The following NEDD9 variants were observed in gnomAD, a reference collection of about 807,000 sequenced individuals.
NEDD9 encodes neural precursor cell expressed, developmentally down-regulated 9, also known as enhancer of filamentation 1.
In NEDD9, 26 loss-of-function variants were observed where a neutral mutation model predicts 76.6. The observed-to-expected ratio is 0.34, with a 90% CI of 0.25 to 0.47. NEDD9 has a LOEUF of 0.47. NEDD9 is among the 20% of genes least tolerant of loss of function. The pLI is 1.00. For synonymous variants in NEDD9, 392 were observed against 414.2 expected, an observed-to-expected ratio of 0.95 and a Z score of 0.65; for missense variants, 937 against 1,058.5, an observed-to-expected ratio of 0.89 and a Z score of 1.59.
At chr6:11,249,504 T>C (rs1386590162) in intron 3 of NEDD9, among the ~76,000 whole-genome samples, 1 of 152,056 alleles carries the variant, frequency 6.6e-6, no homozygotes, top group African/African-American at 2.4e-5. Flanking sequence ...GCCTCCTCCC[T>C]GAAAGGTGCT....
chr6:11,265,494 T>A (rs1018308885), intron 3 of NEDD9, among the ~76,000 whole-genome samples: 1 of 152,244 alleles, frequency 6.6e-6, no homozygotes, highest in African/African-American at 2.4e-5. Flanking sequence ...ATGGAAGCAC[T>A]TTTCTCTATC....
At chr6:11,246,800 A>G (rs1759821081) in intron 3 of NEDD9, among the ~76,000 whole-genome samples, 1 of 152,208 alleles carries the variant, frequency 6.6e-6, no homozygotes. Flanking sequence ...TACAAAGGAA[A>G]GGCTGCAAAG....
At chr6:11,194,369 AT>A (rs1758239623) in intron 2 of NEDD9, among the ~76,000 whole-genome samples, 1 of 152,226 alleles carries the variant, frequency 6.6e-6, no homozygotes, top group Non-Finnish European at 1.5e-5. Context: ...GCATACTGAA[AT>A]TTGCTTTAAG....
intron 2 of NEDD9, among the ~76,000 whole-genome samples, chr6:11,319,524 ACT>A (rs913812338): frequency 5.0e-4 from 75 of 149,320 alleles, no homozygotes; most frequent in Middle Eastern, 3.4e-3. Flanking sequence ...TAACATGCAC[ACT>A]CACACTAACA....
intron 3 of NEDD9, among the ~76,000 whole-genome samples, chr6:11,303,329 A>T (rs1021678740): frequency 6.6e-6 from 1 of 152,222 alleles, no homozygotes; most frequent in African/African-American, 2.4e-5. Context: ...GGAACTCTTC[A>T]AGGAGAACTA....
intron 3 of NEDD9, among the ~76,000 whole-genome samples, chr6:11,275,118 A>G (rs966203354): frequency 1.3e-5 from 2 of 152,240 alleles, no homozygotes; most frequent in East Asian, 3.8e-4. Context: ...CCTGGAGGAC[A>G]TTTTGCTCAG....
In NEDD9 at chr6:11,374,545, G is replaced by C. The variant is rs140445991; in HGVS notation, c.-214+7594C>G. Among the ~76,000 whole-genome samples the C allele has an allele frequency of 4.6e-5, 7 of 152,264 alleles. No homozygotes were observed. In the East Asian group the frequency reaches 1.3e-3, roughly 29 times the overall value. ...TGTGGGTGGGGAATTTCAGAGTCAT[G>C]GAAACTAGTCAAAGGTTACTAAAGG... is the stretch of plus-strand genomic sequence containing the variant. On this transcript the variant is annotated intron_variant, in intron 1 of 3. Transcript: ENST00000397378.
intron 3 of NEDD9, among the ~76,000 whole-genome samples, chr6:11,240,358 A>G (rs957834934): frequency 2.0e-5 from 3 of 152,024 alleles, no homozygotes; most frequent in Non-Finnish European, 4.4e-5. Context: ...CCTTACAACC[A>G]CCACTCCTAC....
intron 3 of NEDD9, among the ~76,000 whole-genome samples, chr6:11,264,663 T>C (rs1054283210): frequency 3.9e-5 from 6 of 152,070 alleles, no homozygotes; most frequent in Non-Finnish European, 7.4e-5. Flanking sequence ...ACCAAACAAT[T>C]TGGGGAGTAA....
chr6:11,196,208 G>A (rs988397181), intron 2 of NEDD9, among the ~76,000 whole-genome samples: 1 of 152,154 alleles, frequency 6.6e-6, no homozygotes, highest in Admixed American at 6.5e-5. Context: ...GGAGGCTGAG[G>A]CAGGAGAATG....
intron 1 of NEDD9, 90 bp downstream of exon 1, chr6:11,232,414 G>A (rs1211499478): frequency 4.7e-6 from 7 of 1,497,682 alleles, no homozygotes; most frequent in Non-Finnish European, 6.5e-6. Context: ...ACACACAAGG[G>A]ACTGACAGTA....
chr6:11,306,767 TC>T (rs1267393638), intron 2 of NEDD9, among the ~76,000 whole-genome samples: 13 of 152,216 alleles, frequency 8.5e-5, no homozygotes, highest in Non-Finnish European at 1.6e-4. Flanking sequence ...TTTTCTTGTT[TC>T]CAGAAAAGGA....
intron 3 of NEDD9, chr6:11,258,591 G>T (rs1375863445): frequency 1.3e-5 from 2 of 152,022 alleles, no homozygotes; most frequent in Non-Finnish European, 2.9e-5. Context: ...TGAACTACAG[G>T]TTGCAGGTTC....
chr6:11,329,388 T>C (rs1442347591), intron 2 of NEDD9, among the ~76,000 whole-genome samples: 2 of 152,178 alleles, frequency 1.3e-5, no homozygotes, highest in African/African-American at 4.8e-5. Context: ...TGGAATAAGT[T>C]AACTCACCCC....
chr6:11,359,570 C>T (rs1762639686), intron 1 of NEDD9, among the ~76,000 whole-genome samples: 1 of 152,272 alleles, frequency 6.6e-6, no homozygotes, highest in South Asian at 2.1e-4. Context: ...GTACAAACTT[C>T]ACTTTTGCCC....
intron 1 of NEDD9, among the ~76,000 whole-genome samples, chr6:11,374,224 C>T (rs111840871): frequency 1.4e-4 from 21 of 152,308 alleles, no homozygotes; most frequent in African/African-American, 5.1e-4. Context: ...CTCACAACTA[C>T]TAAAGCCAAA....
chr6:11,277,202 A>T (rs903708706), intron 3 of NEDD9, among the ~76,000 whole-genome samples: 10 of 152,336 alleles, frequency 6.6e-5, no homozygotes, highest in Non-Finnish European at 1.2e-4. Flanking sequence ...TTACACTTAA[A>T]ATGGAAGCTG....
chr6:11,358,593 T>C (rs1762624783), intron 1 of NEDD9, among the ~76,000 whole-genome samples: 1 of 152,198 alleles, frequency 6.6e-6, no homozygotes, highest in South Asian at 2.1e-4. Context: ...CTGGGTATTT[T>C]CTTGTAGGTA....
At chr6:11,366,400 TAAAAGAA>T (rs1561849094) in intron 1 of NEDD9, among the ~76,000 whole-genome samples, 1 of 64,772 alleles carries the variant, frequency 1.5e-5, no homozygotes, top group Admixed American at 1.6e-4. Flanking sequence ...GAGAGAGAAA[TAAAAGAA>T]GAAAGAAAAA....
Sources: allele counts gnomAD v4.1 joint callset (sites outside exome capture counted in the v4.1 genomes callset), GRCh38; gene constraint gnomAD v4.1.1; transcripts MANE v1.5; gene names NCBI Gene and HGNC (gene_info 2026-07-23, HGNC 2026-07-21).